ENPP1: variants seen among roughly 807,000 people sequenced by gnomAD.
ENPP1 encodes the protein ectonucleotide pyrophosphatase/phosphodiesterase family member 1.
Under a neutral mutation model 122.8 loss-of-function variants are expected in ENPP1, and 73 were observed. The ratio of observed to expected loss-of-function variants is 0.59; its 90% CI spans 0.49 to 0.72. The LOEUF (loss-of-function observed/expected upper bound fraction) is 0.72, where lower values mean the gene tolerates loss of function less well. Among genes scored for constraint, ENPP1 ranks in the 30% least tolerant of loss-of-function variants. The probability of loss-of-function intolerance (pLI) is 0.00; values close to 1 mark genes in which losing one functional copy is unlikely to be tolerated. For missense variants in ENPP1, 978 were observed against 1,128.1 expected, an observed-to-expected ratio of 0.87 and a Z score of 1.91; for synonymous variants, 367 against 391.6, an observed-to-expected ratio of 0.94 and a Z score of 0.74.
intron 13 of ENPP1, among the ~76,000 whole-genome samples, chr6:131,870,903 C>G (rs140057809): frequency 0.012 from 1,884 of 152,194 alleles, 44 homozygotes; most frequent in African/African-American, 0.043. Flanking sequence ...GTGGTGAAAC[C>G]CGTCTCTATG....
chr6:131,824,815 C>T (rs892951529), intron 1 of ENPP1, among the ~76,000 whole-genome samples: 5 of 151,920 alleles, frequency 3.3e-5, no homozygotes, highest in African/African-American at 4.8e-5. Context: ...AATCCCAGCA[C>T]TTTGGGAGGC....
chr6:131,872,965 T>C lies in ENPP1; in HGVS notation c.1480T>C (p.Phe494Leu). 2 of 1,613,860 alleles carry C rather than the reference T, an allele frequency of 1.2e-6. No individual in the cohort carries two copies. The highest frequency in any genetic ancestry group is 1.7e-6 in the Non-Finnish European group (2 of 1,179,778). Residue 494 changes from phenylalanine to leucine, a missense_variant, in exon 15 of 25, where the codon TTC (phenylalanine) becomes CTC (leucine). By Grantham distance (22) the Phe-to-Leu change is conservative. Coordinates refer to ENST00000647893, the MANE Select transcript of ENPP1 (RefSeq NM_006208.3). ...GCACTTCAAACCTTACCTGAAACAT[T>C]TCTTACCTAAGCGTTTGCACTTTGC... ...NQHFKPYLKH[F>L]LPKRLHFAKS...
intron 22 of ENPP1, among the ~76,000 whole-genome samples, chr6:131,884,560 C>T (rs1236976302): frequency 2.6e-5 from 4 of 152,124 alleles, no homozygotes; most frequent in African/African-American, 9.7e-5. Context: ...CTGCTTGAGG[C>T]CAGGAGTTCA....
In ENPP1 at chr6:131,827,696, C is replaced by A. The variant is rs1456089866; in HGVS notation, c.240+19421C>A. On this transcript the variant is annotated intron_variant, in intron 1 of 24. Coordinates refer to ENST00000647893, the MANE Select transcript of ENPP1 (RefSeq NM_006208.3). ...TCTACGTGCATGCGGAATCTTCTCA[C>A]TTTTTCAAAGATGGCTGTGGCCTCT... 6 of 661,798 alleles carry A rather than the reference C, an allele frequency of 9.1e-6. No homozygotes were observed. In the Admixed American group the frequency reaches 1.0e-4, roughly 11 times the overall value. The allele number at this position is 661,798 out of a possible 1,614,324, so 41.0% of individuals were successfully genotyped here.
intron 1 of ENPP1, among the ~76,000 whole-genome samples, chr6:131,810,452 C>G (rs1781334762): frequency 7.1e-6 from 1 of 140,310 alleles, no homozygotes; most frequent in Non-Finnish European, 1.6e-5. Context: ...AACCCCGCCC[C>G]CCCCCCAAAA....
chr6:131,828,835 T>G (rs1781576968), intron 1 of ENPP1, among the ~76,000 whole-genome samples: 1 of 152,116 alleles, frequency 6.6e-6, no homozygotes, highest in Admixed American at 6.5e-5. Context: ...TACTAGGCCT[T>G]TACAGAAATT....
At chr6:131,836,083 G>A (rs1223701720) in intron 1 of ENPP1, among the ~76,000 whole-genome samples, 2 of 151,126 alleles carry the variant, frequency 1.3e-5, no homozygotes, top group Admixed American at 1.3e-4. Flanking sequence ...GTGACAGAAA[G>A]CACAAAAGAT....
rs536551809 is a variant in ENPP1 at position 131,877,282 on chromosome 6, A to G, written c.1893+121A>G. ...TTTAGGAGTGGGGGTAGGTAAACAT[A>G]TGTTTTAATTCTAGGGGGCGCATGT... On this transcript the variant is annotated intron_variant, in intron 18 of 24. Coordinates refer to ENST00000647893, the MANE Select transcript of ENPP1 (RefSeq NM_006208.3). 24 of 949,888 alleles carry G rather than the reference A, an allele frequency of 2.5e-5. No homozygotes were observed. The African/African-American group carries it at 2.9e-4, about 12-fold the overall frequency. The allele number at this position is 949,888 out of a possible 1,614,324, so 58.8% of individuals were successfully genotyped here. A position where few individuals can be genotyped will look rare whatever the true frequency, so the allele number is the denominator to read the frequency against.
At chr6:131,811,118 A>T (rs1486740945) in intron 1 of ENPP1, among the ~76,000 whole-genome samples, 1 of 152,040 alleles carries the variant, frequency 6.6e-6, no homozygotes, top group African/African-American at 2.4e-5. Context: ...TTGGAGATGT[A>T]TTTAAATATC....
intron 19 of ENPP1, among the ~76,000 whole-genome samples, chr6:131,878,868 T>G (rs1196337180): frequency 6.6e-6 from 1 of 152,208 alleles, no homozygotes; most frequent in Non-Finnish European, 1.5e-5. Flanking sequence ...TGTTCAAAAA[T>G]TTTTGATGAT....
At chr6:131,845,328 G>T (rs866516910) in intron 1 of ENPP1, among the ~76,000 whole-genome samples, 3 of 151,542 alleles carry the variant, frequency 2.0e-5, no homozygotes, top group Admixed American at 1.3e-4. Flanking sequence ...ACCGTGCCTG[G>T]CCAATTCTTC....
At chr6:131,881,140 A>T (rs986287267) in intron 20 of ENPP1, among the ~76,000 whole-genome samples, 2 of 152,212 alleles carry the variant, frequency 1.3e-5, no homozygotes, top group Non-Finnish European at 2.9e-5. Flanking sequence ...AGTTTGATTT[A>T]AAAAATAAAA....
At chr6:131,879,750 C>T (rs1782277001) in intron 19 of ENPP1, 130 bp from the exon 20 acceptor site, 2 of 800,032 alleles carry the variant, frequency 2.5e-6, no homozygotes, top group Non-Finnish European at 4.1e-6. Flanking sequence ...CCTTTGTAAT[C>T]AGTTTTTTTA....
At chr6:131,846,082 A>G (rs996933493) in intron 1 of ENPP1, among the ~76,000 whole-genome samples, 13 of 152,172 alleles carry the variant, frequency 8.5e-5, no homozygotes, top group African/African-American at 3.1e-4. Context: ...CTTTGCAGTC[A>G]CTTGACAGTA....
chr6:131,828,737 TC>T (rs1255990759), intron 1 of ENPP1, among the ~76,000 whole-genome samples: 2 of 152,198 alleles, frequency 1.3e-5, no homozygotes, highest in African/African-American at 2.4e-5. Context: ...GTGACTCCAG[TC>T]CCGGGCCCCA....
At chr6:131,859,984 G>A (rs1273163653) in intron 7 of ENPP1, among the ~76,000 whole-genome samples, 1 of 152,122 alleles carries the variant, frequency 6.6e-6, no homozygotes, top group African/African-American at 2.4e-5. Flanking sequence ...GGAATGCTGA[G>A]TTGGTCATGT....
chr6:131,845,947 G>T (rs1285355923), intron 1 of ENPP1, among the ~76,000 whole-genome samples: 1 of 151,940 alleles, frequency 6.6e-6, no homozygotes, highest in Non-Finnish European at 1.5e-5. Flanking sequence ...ACATGTTTTT[G>T]CATCCTTAAA....
chr6:131,840,177 TG>T (rs1243912178), intron 1 of ENPP1, among the ~76,000 whole-genome samples: 1 of 152,188 alleles, frequency 6.6e-6, no homozygotes, highest in Non-Finnish European at 1.5e-5. Context: ...TAATACAAAT[TG>T]GTGTTTACAT....
At chr6:131,838,827 T>A (rs1268634181) in intron 1 of ENPP1, among the ~76,000 whole-genome samples, 1 of 152,126 alleles carries the variant, frequency 6.6e-6, no homozygotes, top group Non-Finnish European at 1.5e-5. Flanking sequence ...AACAAAGGGT[T>A]ATTATAAACA....
Sources: allele counts gnomAD v4.1 joint callset (sites outside exome capture counted in the v4.1 genomes callset), GRCh38; gene constraint gnomAD v4.1.1; transcripts MANE v1.5; gene names NCBI Gene and HGNC (gene_info 2026-07-23, HGNC 2026-07-21).